CFAP97: variants seen among roughly 807,000 people sequenced by gnomAD.
The protein encoded by CFAP97 is cilia- and flagella-associated protein 97.
Under a neutral mutation model 43.1 loss-of-function variants are expected in CFAP97, and 36 were observed. That is an observed-to-expected ratio of 0.84 (90% CI 0.64 to 1.10). The LOEUF is 1.10. Among genes scored for constraint, CFAP97 ranks in the 50% least tolerant of loss-of-function variants. The probability of loss-of-function intolerance (pLI) is 0.00; values close to 1 mark genes in which losing one functional copy is unlikely to be tolerated. For synonymous variants in CFAP97, 228 were observed against 225.7 expected (o/e 1.01, Z -0.09); for missense variants, 657 against 620.3 (o/e 1.06, Z -0.63).
At chr4:185,162,968 A>T in intron 4 of CFAP97, 43 bp from the exon 5 acceptor site, 1 of 1,481,810 alleles carries the variant, frequency 6.7e-7, no homozygotes, top group South Asian at 1.4e-5. Flanking sequence ...ACTTCTCCTC[A>T]CTTGAAGTCC....
rs1336401497 is a variant in CFAP97 at position 185,162,702 on chromosome 4, A to C, written c.*96T>G. The C allele has an allele frequency of 2.2e-6, 3 of 1,335,720 alleles. No individual in the cohort carries two copies. Among genetic ancestry groups the C allele is most frequent in the Non-Finnish European group, 3.1e-6 (3 of 958,014 alleles). The allele number at this position is 1,335,720 out of a possible 1,614,324, so 82.7% of individuals were successfully genotyped here. ...CACTGTTGTACACCTTCAATTGCTA[A>C]AACGGTATTCTAGATGTTTACACAG... On this transcript the variant is annotated 3_prime_UTR_variant, in exon 5 of 5. Transcript: ENST00000458385.
At chr4:185,173,362 TA>T (rs11345517) in intron 3 of CFAP97, among the ~76,000 whole-genome samples, 58,384 of 127,452 alleles carry the variant, frequency 0.46, 12,791 homozygotes, top group Middle Eastern at 0.54. Context: ...CTCCGTCTCT[TA>T]AAAAAAAAAA....
intron 1 of CFAP97, among the ~76,000 whole-genome samples, chr4:185,193,033 C>T (rs1381426457): frequency 6.6e-6 from 1 of 152,058 alleles, no homozygotes; most frequent in Non-Finnish European, 1.5e-5. Context: ...AGCCACCGCG[C>T]CCCACCCAGA....
chr4:185,178,655 CTT>C lies in CFAP97; in HGVS notation c.1055-2606_1055-2605del, dbSNP rs571502975. Among the ~76,000 whole-genome samples, 8 of 152,236 alleles carry C rather than the reference CTT, an allele frequency of 5.3e-5. No homozygotes were observed. The South Asian group carries it at 1.7e-3, about 32-fold the overall frequency. On this transcript the variant is annotated intron_variant, in intron 2 of 4. Transcript: ENST00000458385. ...GCTCTGCTAACACATCACCACAAGA[CTT>C]AGTTGTGTGAAGCAGCAACCTGCAA...
chr4:185,183,099 C>CA (rs538286388), intron 2 of CFAP97, among the ~76,000 whole-genome samples: 2,763 of 127,028 alleles, frequency 0.022, 76 homozygotes, highest in South Asian at 0.085. Flanking sequence ...GACTCCGTCT[C>CA]AAAAAAAAAA....
chr4:185,192,464 T>C (rs1172018005), intron 1 of CFAP97, among the ~76,000 whole-genome samples: 1 of 152,206 alleles, frequency 6.6e-6, no homozygotes, highest in Non-Finnish European at 1.5e-5. Context: ...ATTTTTGTTT[T>C]TTTCCCTAGA....
rs370139008 is a variant in CFAP97, at chr4:185,162,933, T to C, written c.1472-8A>G. ...TGGATGTCCTGGAAGCTCCTGAAAA[T>C]ATAAAAAGAAGAAATATCTGAGAAA... On this transcript the variant is annotated splice_region_variant and splice_polypyrimidine_tract_variant and intron_variant, in intron 4 of 4. Coordinates refer to ENST00000458385, the MANE Select transcript of CFAP97 (RefSeq NM_020827.3). The C allele has an allele frequency of 3.2e-6, 5 of 1,539,984 alleles. No homozygotes were observed. The highest frequency in any genetic ancestry group is 4.3e-6 in the Non-Finnish European group (5 of 1,151,168).
chr4:185,169,571 T>C (rs1735210569), intron 3 of CFAP97: 1 of 967,834 alleles, frequency 1.0e-6, no homozygotes, highest in Non-Finnish European at 1.2e-6. Flanking sequence ...CTAATACACT[T>C]GTCCAAACAT....
upstream of CFAP97, among the ~76,000 whole-genome samples, chr4:185,208,022 T>C (rs531969829): frequency 5.7e-4 from 87 of 152,222 alleles, no homozygotes; most frequent in Non-Finnish European, 1.1e-3. Flanking sequence ...GTTGGTAGGG[T>C]ACACTTTGAG....
intron 2 of CFAP97, among the ~76,000 whole-genome samples, chr4:185,185,319 C>A (rs78570430): frequency 0.039 from 5,895 of 152,010 alleles, 372 homozygotes; most frequent in African/African-American, 0.13. Context: ...GCAAATATAT[C>A]AAGATATATG....
At chr4:185,202,698 G>C (rs1365631765) in intron 1 of CFAP97, among the ~76,000 whole-genome samples, 1 of 152,126 alleles carries the variant, frequency 6.6e-6, no homozygotes, top group East Asian at 1.9e-4. Flanking sequence ...CCAAGAGCTG[G>C]AAGCCAGCTG....
In CFAP97 at chr4:185,191,048, T is replaced by C. The variant is rs777060405; in HGVS notation, c.149A>G (p.Asn50Ser). The C allele has an allele frequency of 6.2e-7, 1 of 1,613,390 alleles. No individual in the cohort carries two copies. The highest frequency in any genetic ancestry group is 2.2e-5 in the East Asian group (1 of 44,854). The change falls in exon 2 of 5, where the codon AAT becomes AGT. Residue 50 changes from asparagine to serine, a missense_variant. Coordinates refer to ENST00000458385, the MANE Select transcript of CFAP97 (RefSeq NM_020827.3). Reference protein sequence around the residue: ...PKERIDKDTKNVNSNTGMQTT... With the variant: ...PKERIDKDTKSVNSNTGMQTT... ...TTGCATTCCAGTGTTCGAATTTACATTTTTTGTATCTTTATCTATTCTTTC... is the reference window on the plus strand; with the variant it reads ...TTGCATTCCAGTGTTCGAATTTACACTTTTTGTATCTTTATCTATTCTTTC...
chr4:185,175,588 A>AT (rs1263365259), intron 3 of CFAP97, among the ~76,000 whole-genome samples, 198 bp downstream of exon 3: 1 of 152,138 alleles, frequency 6.6e-6, no homozygotes, highest in African/African-American at 2.4e-5. Context: ...TGGTCTCTTA[A>AT]TATATAGTTT....
chr4:185,175,727 G>A, intron 3 of CFAP97, 59 bp downstream of exon 3: 2 of 1,505,520 alleles, frequency 1.3e-6, no homozygotes, highest in Non-Finnish European at 1.8e-6. Flanking sequence ...CCTGTAAGCT[G>A]GACATACAAA....
rs1202752174 is a variant in CFAP97, at chr4:185,160,946, T to A, written c.*1852A>T. On this transcript the variant is annotated 3_prime_UTR_variant, in exon 5 of 5. Coordinates refer to ENST00000458385, the MANE Select transcript of CFAP97 (RefSeq NM_020827.3). ...ATATATATAAAACATATATATATAT[T>A]TTTTTCTGGAACAACTTAAAAATCA... is the stretch of plus-strand genomic sequence containing the variant. The A allele has an allele frequency of 4.7e-5, 7 of 148,196 alleles. No individual in the cohort carries two copies. The highest frequency in any genetic ancestry group is 9.8e-5 in the African/African-American group (4 of 40,868). 9.2% of individuals were successfully genotyped at this position (148,196 alleles called of 1,614,324 possible).
rs920606237 is a variant in CFAP97 at position 185,160,976 on chromosome 4, T to TA, written c.*1821dup. ...TCTGGAACAACTTAAAAATCAATTTTAAAAAAACTGATTAATTCACTATTG... is the reference window on the plus strand; with the variant it reads ...TCTGGAACAACTTAAAAATCAATTTTAAAAAAAACTGATTAATTCACTATTG... On this transcript the variant is annotated 3_prime_UTR_variant, in exon 5 of 5. Transcript: ENST00000458385. 1 of 150,106 alleles carries TA rather than the reference T, an allele frequency of 6.7e-6. No individual in the cohort carries two copies. The highest frequency in any genetic ancestry group is 2.4e-5 in the African/African-American group (1 of 41,116). 9.3% of individuals were successfully genotyped at this position (150,106 alleles called of 1,614,324 possible). A position where few individuals can be genotyped will look rare whatever the true frequency, so the allele number is the denominator to read the frequency against.
At chr4:185,165,086 A>G (rs1031763324) in intron 3 of CFAP97, among the ~76,000 whole-genome samples, 1 of 152,220 alleles carries the variant, frequency 6.6e-6, no homozygotes, top group Non-Finnish European at 1.5e-5. Context: ...ATAACATTTA[A>G]TTTGGAGAAA....
chr4:185,202,584 A>G (rs1736918690), intron 1 of CFAP97, among the ~76,000 whole-genome samples: 1 of 151,080 alleles, frequency 6.6e-6, no homozygotes, highest in Non-Finnish European at 1.5e-5. Context: ...CCGGGTTTCA[A>G]CCCAGTTTCC....
intron 2 of CFAP97, among the ~76,000 whole-genome samples, chr4:185,179,768 A>T (rs1411545900): frequency 6.6e-6 from 1 of 152,158 alleles, no homozygotes; most frequent in African/African-American, 2.4e-5. Context: ...TGATTAGTTC[A>T]TCACTTTTAA....
Sources: allele counts gnomAD v4.1 joint callset (sites outside exome capture counted in the v4.1 genomes callset), GRCh38; gene constraint gnomAD v4.1.1; transcripts MANE v1.5; gene names NCBI Gene and HGNC (gene_info 2026-07-23, HGNC 2026-07-21).